Variants in CHCHD4 observed in about 807,000 individuals in gnomAD.
CHCHD4 encodes mitochondrial intermembrane space import and assembly protein 40.
CHCHD4 carries 7 observed loss-of-function variants against 12.4 expected under a neutral mutation model. The ratio of observed to expected loss-of-function variants is 0.57; its 90% CI spans 0.32 to 1.06. The LOEUF (loss-of-function observed/expected upper bound fraction) is 1.06. Among genes scored for constraint, CHCHD4 ranks in the 50% least tolerant of loss-of-function variants. The probability of loss-of-function intolerance (pLI) is 0.04; values close to 1 mark genes in which losing one functional copy is unlikely to be tolerated. For synonymous variants in CHCHD4, 56 were observed against 58.0 expected, an observed-to-expected ratio of 0.97 and a Z score of 0.16; for missense variants, 143 against 175.1, an observed-to-expected ratio of 0.82 and a Z score of 1.03.
Position 14,124,664 on chromosome 3 carries a change from G to C in CHCHD4, c.13C>G (p.Arg5Gly). The change falls in exon 1 of 3, where the codon CGG becomes GGG. Residue 5 changes from arginine (R) to glycine (G), a missense_variant. By Grantham distance (125) the Arg-to-Gly change is moderately radical (BLOSUM62 -2). Coordinates refer to ENST00000396914, the MANE Select transcript of CHCHD4 (RefSeq NM_001098502.2). MSYC[R>G]QEGKDRIIFV... ...AGCCCGCCCTCCCTACCTTCCTGCC[G>C]GCAATAGGACATGGCTGCAGCCCGT... 2 of 1,526,774 alleles carry C rather than the reference G, an allele frequency of 1.3e-6. No individual in the cohort carries two copies. The highest frequency in any genetic ancestry group is 1.8e-6 in the Non-Finnish European group (2 of 1,139,538). 94.6% of individuals were successfully genotyped at this position (1,526,774 alleles called of 1,614,324 possible).
At chr3:14,116,859 T>C (rs1170370387) in intron 1 of CHCHD4, among the ~76,000 whole-genome samples, 1 of 152,220 alleles carries the variant, frequency 6.6e-6, no homozygotes, top group Non-Finnish European at 1.5e-5. Context: ...GCAGCCCACA[T>C]AGCTGATGCG....
chr3:14,119,854 C>T (rs1694913985), intron 1 of CHCHD4, among the ~76,000 whole-genome samples: 1 of 152,162 alleles, frequency 6.6e-6, no homozygotes, highest in Non-Finnish European at 1.5e-5. Context: ...ACCAGCTCCA[C>T]CTACCTACCT....
In CHCHD4 at chr3:14,124,865, G is replaced by A. The variant is rs1694992135; in HGVS notation, c.-189C>T. On this transcript the variant is annotated 5_prime_UTR_variant, in exon 1 of 3. Coordinates refer to ENST00000396914, the MANE Select transcript of CHCHD4 (RefSeq NM_001098502.2). ...ACCGCGGCCAGGCCAACCTCAGCCG[G>A]AAACTACATTTCCCAGCAGGTCGCG... is the stretch of plus-strand genomic sequence containing the variant. The A allele has an allele frequency of 3.0e-6, 2 of 674,500 alleles. No homozygotes were observed. Among genetic ancestry groups the A allele is most frequent in the African/African-American group, 1.8e-5 (1 of 55,506 alleles). 41.8% of individuals were successfully genotyped at this position (674,500 alleles called of 1,614,324 possible).
rs1173447576 is a variant in CHCHD4 at position 14,118,387 on chromosome 3, GT to G, written c.23-1864del. On this transcript the variant is annotated intron_variant, in intron 1 of 2. Transcript: ENST00000396914. ...TGCTGAGGGGAAAGCAAGGAAAAAG[GT>G]TTGGGCCCATGCTTGGGCTGAAGTA... 2.0e-5 allele frequency among the ~76,000 whole-genome samples: 3 copies of G among 152,246 alleles called. No homozygotes were observed. The East Asian group carries it at 5.8e-4, about 29-fold the overall frequency.
In CHCHD4 at chr3:14,112,924, T is replaced by G; in HGVS notation, c.392A>C (p.Glu131Ala). Residue 131 changes from glutamate to alanine, a missense_variant, in exon 3 of 3, where the codon GAG (glutamate) becomes GCG (alanine). Transcript: ENST00000396914. ...AEQAEETAPI[E>A]ATATKEEEGS... ...CTCCTCTTCTTTGGTTGCAGTGGCC[T>G]CAATGGGAGCTGTTTCTTCTGCTTG... is the stretch of plus-strand genomic sequence containing the variant. The G allele has an allele frequency of 6.2e-7, 1 of 1,613,056 alleles. No homozygotes were observed. Among genetic ancestry groups the G allele is most frequent in the Non-Finnish European group, 8.5e-7 (1 of 1,179,608 alleles).
intron 1 of CHCHD4, chr3:14,119,017 C>G (rs1209826600): frequency 2.0e-5 from 3 of 152,328 alleles, no homozygotes; most frequent in Non-Finnish European, 4.4e-5. Flanking sequence ...CTGAATCGAG[C>G]TCTCTGCCAT....
intron 1 of CHCHD4, among the ~76,000 whole-genome samples, chr3:14,117,551 T>G (rs984378471): frequency 2.6e-5 from 4 of 152,144 alleles, no homozygotes; most frequent in Non-Finnish European, 4.4e-5. Flanking sequence ...CCTAAAAACT[T>G]TGGCCATCAG....
Position 14,112,714 on chromosome 3 carries a change from C to T in CHCHD4, c.*173G>A, listed in dbSNP as rs1574929766. 1.5e-5 allele frequency: 9 copies of T among 590,666 alleles called. No individual in the cohort carries two copies. Among genetic ancestry groups the T allele is most frequent in the African/African-American group, 1.9e-5 (1 of 53,462 alleles). The allele number at this position is 590,666 out of a possible 1,614,324, so 36.6% of individuals were successfully genotyped here. A position where few individuals can be genotyped will look rare whatever the true frequency, so the allele number is the denominator to read the frequency against. On this transcript the variant is annotated 3_prime_UTR_variant, in exon 3 of 3. Coordinates refer to ENST00000396914, the MANE Select transcript of CHCHD4 (RefSeq NM_001098502.2). Reference sequence around the variant, plus strand: ...ACATACATACAACCCCCATTTTTTTCAGTGTATATGTCAAGATGTCAAGAC... The same window carrying T: ...ACATACATACAACCCCCATTTTTTTTAGTGTATATGTCAAGATGTCAAGAC...
chr3:14,120,509 C>T (rs900383093), intron 1 of CHCHD4, among the ~76,000 whole-genome samples: 5 of 152,152 alleles, frequency 3.3e-5, no homozygotes, highest in Non-Finnish European at 7.4e-5. Flanking sequence ...GCGATTTCTC[C>T]CTGCTTTCAC....
intron 2 of CHCHD4, among the ~76,000 whole-genome samples, chr3:14,114,910 C>T (rs749382200): frequency 1.3e-5 from 2 of 152,144 alleles, no homozygotes; most frequent in African/African-American, 2.4e-5. Flanking sequence ...AGTCAGTCTC[C>T]GCCCCCGCCC....
At chr3:14,122,221 T>G (rs1694943126) in intron 1 of CHCHD4, 1 of 1,252,066 alleles carries the variant, frequency 8.0e-7, no homozygotes, top group African/African-American at 1.5e-5. Flanking sequence ...ATAGAGCCTT[T>G]CACTAAACGA....
At chr3:14,117,374 C>T (rs147910780) in intron 1 of CHCHD4, among the ~76,000 whole-genome samples, 2 of 152,306 alleles carry the variant, frequency 1.3e-5, no homozygotes, top group Non-Finnish European at 2.9e-5. Flanking sequence ...CAGTCCTGGC[C>T]AAACCAGGGT....
At position 14,112,582 on chromosome 3, in the gene CHCHD4, G is replaced by A. The variant is rs774362344; in HGVS notation, c.*305C>T. 7.1e-6 allele frequency: 2 copies of A among 280,974 alleles called. No individual in the cohort carries two copies. Among genetic ancestry groups the A allele is most frequent in the Non-Finnish European group, 1.3e-5 (2 of 150,436 alleles). The allele number at this position is 280,974 out of a possible 1,614,324, so 17.4% of individuals were successfully genotyped here. On this transcript the variant is annotated 3_prime_UTR_variant, in exon 3 of 3. Transcript: ENST00000396914. ...GCTCACTCACAAGAAACGTTCTTGG[G>A]TAATGGTTTTTAGTTGCTGAGCTTA...
chr3:14,120,179 G>A (rs766851204), intron 1 of CHCHD4, among the ~76,000 whole-genome samples: 26 of 152,060 alleles, frequency 1.7e-4, no homozygotes, highest in Non-Finnish European at 3.5e-4. Flanking sequence ...GGGTGGGGCT[G>A]AGAACAGAAC....
chr3:14,115,458 A>G (rs909678113), intron 2 of CHCHD4, among the ~76,000 whole-genome samples: 3 of 152,356 alleles, frequency 2.0e-5, no homozygotes, highest in Non-Finnish European at 4.4e-5. Flanking sequence ...TAAGCAAGGT[A>G]CTAGAATTGA....
intron 1 of CHCHD4, chr3:14,119,449 C>A (rs1027503457): frequency 2.2e-5 from 3 of 138,626 alleles, no homozygotes; most frequent in African/African-American, 8.9e-5. Flanking sequence ...CTTTCTGGAA[C>A]TTTTAAAAGT....
At position 14,115,884 on chromosome 3, in the gene CHCHD4, TG is replaced by T. The variant is rs760523656; in HGVS notation, c.121+541del. 4.5e-4 allele frequency among the ~76,000 whole-genome samples: 69 copies of T among 152,298 alleles called. 1 individual carries two copies. Among genetic ancestry groups the T allele is most frequent in the Admixed American group, 3.1e-3 (47 of 15,292 alleles). Reference sequence around the variant, plus strand: ...AGTGAGTTTAGCAGCCCAAATCCTTTGGAACAATGTCCTAGGCCTAAGCGAC... The same window carrying T: ...AGTGAGTTTAGCAGCCCAAATCCTTTGAACAATGTCCTAGGCCTAAGCGAC... On this transcript the variant is annotated intron_variant, in intron 2 of 2. Coordinates refer to ENST00000396914, the MANE Select transcript of CHCHD4 (RefSeq NM_001098502.2).
At position 14,124,767 on chromosome 3, in the gene CHCHD4, G is replaced by A. The variant is rs1240667350; in HGVS notation, c.-91C>T. ...ACCTCCCTCTCCTCTGGCAGGGCGG[G>A]CTCCTCCGAAGCCCGCGCGGACCCG... On this transcript the variant is annotated 5_prime_UTR_variant, in exon 1 of 3. Coordinates refer to ENST00000396914, the MANE Select transcript of CHCHD4 (RefSeq NM_001098502.2). 6 of 1,402,844 alleles carry A rather than the reference G, an allele frequency of 4.3e-6. No homozygotes were observed. Among genetic ancestry groups the A allele is most frequent in the Non-Finnish European group, 5.7e-6 (6 of 1,054,710 alleles). The allele number at this position is 1,402,844 out of a possible 1,614,324, so 86.9% of individuals were successfully genotyped here. A position where few individuals can be genotyped will look rare whatever the true frequency, so the allele number is the denominator to read the frequency against.
At chr3:14,122,027 G>C in intron 1 of CHCHD4, 2 of 1,612,910 alleles carry the variant, frequency 1.2e-6, no homozygotes, top group East Asian at 2.2e-5. Context: ...CCCTGACAAA[G>C]AGCTTCAGGG....
Sources: gnomAD v4.1 joint callset for allele counts (sites outside exome capture counted in the v4.1 genomes callset) on GRCh38, gnomAD v4.1.1 for gene constraint, MANE v1.5 for transcripts, NCBI Gene and HGNC (gene_info 2026-07-23, HGNC 2026-07-21) for gene names.